ETV4: variants seen among roughly 807,000 people sequenced by gnomAD.
ETV4 encodes ETS translocation variant 4.
Under a neutral mutation model 65.9 loss-of-function variants are expected in ETV4, and 42 were observed. The observed-to-expected ratio is 0.64, with a 90% CI of 0.50 to 0.82. ETV4 has a LOEUF of 0.82. Among genes scored for constraint, ETV4 ranks in the 40% least tolerant of loss-of-function variants. ETV4 has a pLI of 0.00. For synonymous variants in ETV4, 238 were observed against 260.0 expected (o/e 0.92, Z 0.81); for missense variants, 583 against 630.3 (o/e 0.92, Z 0.80).
chr17:43,545,981 ACGCG>A, intron 1 of ETV4, 200 bp downstream of exon 1: 2 of 101,226 alleles, frequency 2.0e-5, no homozygotes, highest in Non-Finnish European at 2.0e-5. Flanking sequence ...GTGTGTGTGT[ACGCG>A]CGCGCGCGCG....
chr17:43,545,092 C>T, intron 3 of ETV4, 70 bp from the exon 4 acceptor site: 1 of 1,494,648 alleles, frequency 6.7e-7, no homozygotes, highest in Admixed American at 1.7e-5. Flanking sequence ...CCTAGCAAGA[C>T]CCGGTGACTC....
At chr17:43,536,372 C>A in intron 5 of ETV4, 54 bp downstream of exon 5, 1 of 1,478,916 alleles carries the variant, frequency 6.8e-7, no homozygotes. Flanking sequence ...TCCTATGACT[C>A]ACTTCCTGCC....
intron 5 of ETV4, among the ~76,000 whole-genome samples, chr17:43,535,384 T>C (rs1021069400): frequency 2.4e-4 from 37 of 152,184 alleles, no homozygotes; most frequent in African/African-American, 8.9e-4. Context: ...TTCAAGCGAT[T>C]CTCATGCCTC....
Position 43,545,663 on chromosome 17 carries a change from C to T in ETV4, c.-46G>A. 1 of 1,531,330 alleles carries T rather than the reference C, an allele frequency of 6.5e-7. No individual in the cohort carries two copies. The highest frequency in any genetic ancestry group is 8.8e-7 in the Non-Finnish European group (1 of 1,132,788). 94.9% of individuals were successfully genotyped at this position (1,531,330 alleles called of 1,614,324 possible). On this transcript the variant is annotated 5_prime_UTR_variant, in exon 2 of 13. Transcript: ENST00000319349. ...CACGGCCGGGGCCCCAAGCGGGGGCCGAGACCTGGTGGGGGAGGGGGCTGC... is the reference window on the plus strand; with the variant it reads ...CACGGCCGGGGCCCCAAGCGGGGGCTGAGACCTGGTGGGGGAGGGGGCTGC...
intron 12 of ETV4, 152 bp from the exon 13 acceptor site, chr17:43,528,895 C>T (rs1363962698): frequency 2.8e-6 from 2 of 704,068 alleles, no homozygotes; most frequent in Admixed American, 2.7e-5. Flanking sequence ...AGCTGACTCT[C>T]CCTTCACAGT....
chr17:43,542,061 T>C (rs1971550822), intron 4 of ETV4, among the ~76,000 whole-genome samples: 2 of 151,982 alleles, frequency 1.3e-5, no homozygotes, highest in Non-Finnish European at 2.9e-5. Flanking sequence ...ACACATGGGG[T>C]CTTTTTTTGA....
Position 43,545,549 on chromosome 17 carries a change from G to A in ETV4, c.60+9C>T. ...GCGGGGCGGGCGTGGAGGCCGGCGC[G>A]GCGCTCACGCTGCTGAAGGTGTAGG... On this transcript the variant is annotated intron_variant, in intron 2 of 12. Transcript: ENST00000319349. 2 of 1,548,390 alleles carry A rather than the reference G, an allele frequency of 1.3e-6. No individual in the cohort carries two copies. The highest frequency in any genetic ancestry group is 1.7e-6 in the Non-Finnish European group (2 of 1,146,154).
At chr17:43,542,970 C>T (rs1971596673) in intron 4 of ETV4, among the ~76,000 whole-genome samples, 1 of 152,158 alleles carries the variant, frequency 6.6e-6, no homozygotes, top group South Asian at 2.1e-4. Flanking sequence ...GGGTCACTGA[C>T]CTGGTGGGAA....
chr17:43,539,159 G>A (rs1386522414), intron 4 of ETV4, among the ~76,000 whole-genome samples: 1 of 152,142 alleles, frequency 6.6e-6, no homozygotes, highest in Non-Finnish European at 1.5e-5. Context: ...AAATCCAAAC[G>A]CTTGCCCTTG....
intron 9 of ETV4, 23 bp from the exon 10 acceptor site, chr17:43,529,975 G>T (rs1422551231): frequency 6.2e-7 from 1 of 1,613,874 alleles, no homozygotes; most frequent in African/African-American, 1.3e-5. Context: ...ATTGGGGGTT[G>T]CTCAGATCTG....
chr17:43,545,934 CGTGTGTGTGTGTGTGTGTGTGTGTGTGT>C (rs531139204), intron 1 of ETV4: 1 of 262,538 alleles, frequency 3.8e-6, no homozygotes, highest in African/African-American at 2.6e-5. Flanking sequence ...TACATAAGAA[CGTGTGTGTGTGTGTGTGTGTGTGTGTGT>C]GTGTGTGTGT....
At chr17:43,534,883 G>A (rs910443171) in intron 5 of ETV4, among the ~76,000 whole-genome samples, 11 of 152,038 alleles carry the variant, frequency 7.2e-5, no homozygotes, top group Non-Finnish European at 1.5e-4. Context: ...AGCGGTTGCA[G>A]TGAGCCGAGA....
At chr17:43,530,462 G>A (rs1970855053) in intron 8 of ETV4, 1 of 1,340,402 alleles carries the variant, frequency 7.5e-7, no homozygotes, top group Non-Finnish European at 9.6e-7. Context: ...AGCTGCCAGG[G>A]AGCAGCTGTT....
At chr17:43,546,130 A>C (rs1487213836) in intron 1 of ETV4, 55 bp downstream of exon 1, 2 of 156,966 alleles carry the variant, frequency 1.3e-5, no homozygotes, top group East Asian at 1.9e-4. Context: ...TGTGCATTGG[A>C]GGCGAGGCGG....
intron 8 of ETV4, among the ~76,000 whole-genome samples, chr17:43,531,856 A>G (rs1231794685): frequency 1.3e-5 from 2 of 152,034 alleles, no homozygotes; most frequent in Non-Finnish European, 2.9e-5. Context: ...GACACATCCT[A>G]TTCATCTTTG....
At chr17:43,545,235 G>GTGTGTGTC in intron 3 of ETV4, 39 bp downstream of exon 3, 7 of 1,227,414 alleles carry the variant, frequency 5.7e-6, no homozygotes, top group Non-Finnish European at 8.2e-6. Context: ...GTGTGTGTGT[G>GTGTGTGTC]GCGGAGGAGG....
At chr17:43,538,796 A>T (rs900870944) in intron 4 of ETV4, among the ~76,000 whole-genome samples, 1 of 152,068 alleles carries the variant, frequency 6.6e-6, no homozygotes, top group South Asian at 2.1e-4. Flanking sequence ...TAGCCCGAGG[A>T]GGCTGGACTC....
chr17:43,529,879 C>G lies in ETV4; in HGVS notation c.955+5G>C. 1 of 1,614,164 alleles carries G rather than the reference C, an allele frequency of 6.2e-7. No individual in the cohort carries two copies. The highest frequency in any genetic ancestry group is 1.1e-5 in the South Asian group (1 of 91,084). On this transcript the variant is annotated splice_donor_5th_base_variant and intron_variant, in intron 10 of 12. Transcript: ENST00000319349. ...GACCCTCCCATCAACAGTCACTTCT[C>G]TGACCTTCAAATTTCTCAGGGACAA...
Position 43,528,588 on chromosome 17 carries a change from G to C in ETV4, c.1386C>G (p.Ser462Arg), listed in dbSNP as rs1301957039. Reference protein sequence around the residue: ...DTVPLSHLDESPAYLPELAGP... With the variant: ...DTVPLSHLDERPAYLPELAGP... ...CAGCCAGCTCTGGGAGGTAGGCGGG[G>C]CTCTCATCCAAGTGGGACAAAGGGA... is the stretch of plus-strand genomic sequence containing the variant. The change falls in exon 13 of 13, where the codon AGC (serine) becomes AGG (arginine). Residue 462 changes from serine to arginine, a missense_variant. Ser to Arg is a moderately radical substitution (Grantham distance 110). Transcript: ENST00000319349. The C allele has an allele frequency of 6.2e-7, 1 of 1,614,114 alleles. No individual in the cohort carries two copies.
Sources: gnomAD v4.1 joint callset for allele counts (sites outside exome capture counted in the v4.1 genomes callset) on GRCh38, gnomAD v4.1.1 for gene constraint, MANE v1.5 for transcripts, NCBI Gene and HGNC (gene_info 2026-07-23, HGNC 2026-07-21) for gene names.